CLVS1: variants seen among roughly 807,000 people sequenced by gnomAD.
The protein encoded by CLVS1 is clavesin 1, also known as clavesin-1.
A neutral mutation model predicts 33.1 loss-of-function variants in CLVS1; 10 were observed. The observed-to-expected ratio is 0.30, with a 90% CI of 0.19 to 0.51. CLVS1 has a LOEUF of 0.51. Among genes scored for constraint, CLVS1 ranks in the 20% least tolerant of loss-of-function variants. The probability of loss-of-function intolerance (pLI) is 0.97; values close to 1 mark genes in which losing one functional copy is unlikely to be tolerated. For missense variants in CLVS1, 343 were observed against 433.4 expected, an observed-to-expected ratio of 0.79 and a Z score of 1.85; for synonymous variants, 163 against 166.1, an observed-to-expected ratio of 0.98 and a Z score of 0.14.
chr8:61,012,904 C>T, the CLVS1 span, among the ~76,000 whole-genome samples: 5 of 152,190 alleles, frequency 3.3e-5, no homozygotes, highest in East Asian at 7.7e-4. Context: ...TTCCTGCAGA[C>T]TGCTGTGCTC....
At chr8:61,232,041 T>TGTTTTTTTTTTTTTG (rs1302389931) in intron 2 of CLVS1, among the ~76,000 whole-genome samples, 14 of 116,002 alleles carry the variant, frequency 1.2e-4, no homozygotes, top group Admixed American at 1.1e-3. Flanking sequence ...TTTTTTTTTT[T>TGTTTTTTTTTTTTTG]TTTTTTTTTG....
At chr8:61,161,738 T>A (rs1327944193) in intron 2 of CLVS1, among the ~76,000 whole-genome samples, 1 of 152,240 alleles carries the variant, frequency 6.6e-6, no homozygotes, top group Non-Finnish European at 1.5e-5. Context: ...ATCATGACTG[T>A]TGTCAATAGT....
At chr8:60,981,895 C>G in the CLVS1 span, among the ~76,000 whole-genome samples, 24 of 152,232 alleles carry the variant, frequency 1.6e-4, no homozygotes, top group Admixed American at 1.6e-3. Context: ...GATGGGGTGT[C>G]AGGCTGACTG....
intron 2 of CLVS1, among the ~76,000 whole-genome samples, chr8:61,185,207 C>G (rs1585671370): frequency 6.6e-6 from 1 of 151,118 alleles, no homozygotes; most frequent in Non-Finnish European, 1.5e-5. Flanking sequence ...GCAGTGGCAG[C>G]GTTACGCTGT....
chr8:61,432,496 G>A (rs1007542400), intron 3 of CLVS1, among the ~76,000 whole-genome samples: 1 of 151,896 alleles, frequency 6.6e-6, no homozygotes, highest in Admixed American at 6.6e-5. Context: ...ATGTACAGAG[G>A]GAAGTTCATG....
At chr8:61,415,200 T>C (rs142746285) in intron 3 of CLVS1, among the ~76,000 whole-genome samples, 11 of 152,362 alleles carry the variant, frequency 7.2e-5, no homozygotes, top group Non-Finnish European at 1.3e-4. Flanking sequence ...TTACTTCACA[T>C]TGGACCCACT....
chr8:61,365,069 A>G (rs1194587119), intron 2 of CLVS1, among the ~76,000 whole-genome samples: 3 of 152,252 alleles, frequency 2.0e-5, no homozygotes, highest in African/African-American at 7.2e-5. Flanking sequence ...AATCATTCAA[A>G]GCAATGTAGT....
Position 61,482,048 on chromosome 8 carries a change from C to G in CLVS1, c.978-17407C>G, listed in dbSNP as rs569158521. ...AACATCTGCTGTTCTGCAATATTTG[C>G]TATTGTGCAGCCTCCACTGGTAATA... On this transcript the variant is annotated intron_variant, in intron 5 of 5. Coordinates refer to ENST00000325897, the MANE Select transcript of CLVS1 (RefSeq NM_173519.3). Among the ~76,000 whole-genome samples, 17 of 152,352 alleles carry G rather than the reference C, an allele frequency of 1.1e-4. No homozygotes were observed. The East Asian group carries it at 2.7e-3, about 24-fold the overall frequency.
At chr8:61,154,752 T>C (rs1462283655) in intron 2 of CLVS1, among the ~76,000 whole-genome samples, 2 of 152,220 alleles carry the variant, frequency 1.3e-5, no homozygotes, top group Non-Finnish European at 2.9e-5. Context: ...TTTGAGGAGA[T>C]CTATCTCCTT....
chr8:61,287,906 G>A (rs552207841), upstream of CLVS1: 43 of 350,886 alleles, frequency 1.2e-4, no homozygotes, highest in South Asian at 9.1e-4. Context: ...TTGTGGTACG[G>A]AGGCATTTAG....
intron 2 of CLVS1, among the ~76,000 whole-genome samples, chr8:61,247,466 T>G (rs116257857): frequency 0.024 from 3,678 of 152,264 alleles, 143 homozygotes; most frequent in African/African-American, 0.081. Flanking sequence ...CGTCTACTAT[T>G]TTTTGACTTT....
chr8:61,405,039 T>G (rs1814932904), intron 3 of CLVS1, among the ~76,000 whole-genome samples: 1 of 152,216 alleles, frequency 6.6e-6, no homozygotes. Context: ...CAGCTGCTGC[T>G]TGAGTCACCA....
At chr8:61,077,062 G>A (rs1228521569) in intron 1 of CLVS1, among the ~76,000 whole-genome samples, 1 of 151,950 alleles carries the variant, frequency 6.6e-6, no homozygotes, top group Non-Finnish European at 1.5e-5. Flanking sequence ...CTTAGAAACC[G>A]TATGATCTAA....
chr8:61,368,346 G>C (rs1813298232), intron 2 of CLVS1, among the ~76,000 whole-genome samples: 1 of 152,252 alleles, frequency 6.6e-6, no homozygotes, highest in South Asian at 2.1e-4. Context: ...TCCAGAGATG[G>C]ATAGGCCTGC....
At chr8:61,126,938 G>A (rs916005766) in intron 1 of CLVS1, among the ~76,000 whole-genome samples, 6 of 152,138 alleles carry the variant, frequency 3.9e-5, no homozygotes, top group Admixed American at 6.5e-5. Context: ...AATATCCATC[G>A]TCAACCAATT....
At chr8:61,083,935 A>AC (rs1482664197) in intron 1 of CLVS1, among the ~76,000 whole-genome samples, 3 of 152,150 alleles carry the variant, frequency 2.0e-5, no homozygotes, top group Non-Finnish European at 4.4e-5. Flanking sequence ...AAATTTCCTG[A>AC]CCCCTAATGA....
upstream of CLVS1, among the ~76,000 whole-genome samples, chr8:61,287,149 A>C (rs1809800399): frequency 6.6e-6 from 1 of 152,200 alleles, no homozygotes; most frequent in Non-Finnish European, 1.5e-5. Flanking sequence ...TAGATTTTTA[A>C]AAATGTTATG....
At chr8:61,038,461 T>C in the CLVS1 span, among the ~76,000 whole-genome samples, 3 of 117,766 alleles carry the variant, frequency 2.5e-5, no homozygotes, top group South Asian at 3.0e-4. Context: ...ATATATGACA[T>C]ATATATATAT....
At chr8:61,347,475 G>C (rs530216628) in intron 2 of CLVS1, among the ~76,000 whole-genome samples, 32 of 151,488 alleles carry the variant, frequency 2.1e-4, no homozygotes, top group Non-Finnish European at 3.4e-4. Flanking sequence ...GCATGTGGGG[G>C]GCTGGGGATA....
Sources: gnomAD v4.1 joint callset for allele counts (sites outside exome capture counted in the v4.1 genomes callset) on GRCh38, gnomAD v4.1.1 for gene constraint, MANE v1.5 for transcripts, NCBI Gene and HGNC (gene_info 2026-07-23, HGNC 2026-07-21) for gene names.